The following TMEM38A variants were observed in gnomAD, a reference collection of about 807,000 sequenced individuals.
TMEM38A encodes the protein transmembrane protein 38A, also known as trimeric intracellular cation channel type A.
Under a neutral mutation model 28.6 loss-of-function variants are expected in TMEM38A, and 17 were observed. That is an observed-to-expected ratio of 0.60 (90% CI 0.41 to 0.89). The LOEUF (loss-of-function observed/expected upper bound fraction) is 0.89. Among genes scored for constraint, TMEM38A ranks in the 40% least tolerant of loss-of-function variants. TMEM38A has a pLI of 0.00. For missense variants in TMEM38A, 328 were observed against 393.1 expected (o/e 0.83, Z 1.40); for synonymous variants, 169 against 166.1 (o/e 1.02, Z -0.14).
intron 1 of TMEM38A, among the ~76,000 whole-genome samples, chr19:16,663,619 C>T (rs536305624): frequency 1.3e-5 from 2 of 151,814 alleles, no homozygotes; most frequent in African/African-American, 2.4e-5. Context: ...AGCTCCGCCT[C>T]CTGGGTTCAC....
At chr19:16,679,252 CGTGTGTGTGTGTGTGTGTGTGTGTGT>C (rs35543309) in intron 1 of TMEM38A, among the ~76,000 whole-genome samples, 4 of 128,290 alleles carry the variant, frequency 3.1e-5, no homozygotes, top group Non-Finnish European at 5.0e-5. Context: ...TCTTTTGTTT[CGTGTGTGTGTGTGTGTGTGTGTGTGT>C]GTGTGTGTGT....
intron 1 of TMEM38A, among the ~76,000 whole-genome samples, chr19:16,673,367 C>A (rs1299172347): frequency 2.0e-5 from 3 of 152,194 alleles, no homozygotes. Context: ...CCACTGCACC[C>A]AGCCTGGTTC....
intron 2 of TMEM38A, 108 bp from the exon 3 acceptor site, chr19:16,680,289 G>A (rs1459140395): frequency 6.7e-7 from 1 of 1,496,112 alleles, no homozygotes; most frequent in South Asian, 1.2e-5. Context: ...CCCATCTCTG[G>A]TCTAGGCACA....
intron 4 of TMEM38A, 90 bp from the exon 5 acceptor site, chr19:16,686,198 C>A: frequency 1.2e-6 from 1 of 845,828 alleles, no homozygotes; most frequent in Non-Finnish European, 1.9e-6. Context: ...GGGATGGGAG[C>A]TGGTGCCAGG....
At chr19:16,682,640 T>C in intron 4 of TMEM38A, 132 bp downstream of exon 4, 1 of 767,480 alleles carries the variant, frequency 1.3e-6, no homozygotes, top group Non-Finnish European at 2.2e-6. Flanking sequence ...TCAGAGGCTA[T>C]GACTGGGGAA....
intron 5 of TMEM38A, among the ~76,000 whole-genome samples, chr19:16,687,826 C>T (rs2086807918): frequency 6.6e-6 from 1 of 152,154 alleles, no homozygotes; most frequent in African/African-American, 2.4e-5. Context: ...GGACACAGAC[C>T]TTCAGACCTG....
Position 16,670,458 on chromosome 19 carries a change from A to G in TMEM38A, c.124+9117A>G, listed in dbSNP as rs561832953. ...CCCAGCCGAGGCAGAGCTGATTTTTAAAAAATCCATCTACTGAAATTTCCA... is the reference window on the plus strand; with the variant it reads ...CCCAGCCGAGGCAGAGCTGATTTTTGAAAAATCCATCTACTGAAATTTCCA... On this transcript the variant is annotated intron_variant, in intron 1 of 5. Coordinates refer to ENST00000187762, the MANE Select transcript of TMEM38A (RefSeq NM_024074.4). Among the ~76,000 whole-genome samples the G allele has an allele frequency of 9.9e-5, 15 of 151,876 alleles. No individual in the cohort carries two copies. The South Asian group carries it at 3.1e-3, about 32-fold the overall frequency.
intron 1 of TMEM38A, among the ~76,000 whole-genome samples, chr19:16,662,545 C>A (rs992926675): frequency 1.6e-4 from 23 of 148,340 alleles, no homozygotes; most frequent in African/African-American, 5.8e-4. Context: ...CCTCCACCTT[C>A]CAGGTTCAAG....
At chr19:16,668,043 T>C (rs573396672) in intron 1 of TMEM38A, among the ~76,000 whole-genome samples, 2 of 151,894 alleles carry the variant, frequency 1.3e-5, no homozygotes, top group African/African-American at 4.8e-5. Flanking sequence ...ACCCTGTCTC[T>C]ACTAAAAATA....
chr19:16,661,921 C>T lies in TMEM38A; in HGVS notation c.124+580C>T, dbSNP rs968464429. On this transcript the variant is annotated intron_variant, in intron 1 of 5. Transcript: ENST00000187762. The surrounding 1 kb of genome is among the most constrained non-coding windows in gnomAD (Gnocchi z 6.5). ...CCCACGGGAATTCTTCCAGCCCTGGCTCCAGATCCTTTCCACTTACGGAGC... is the reference window on the plus strand; with the variant it reads ...CCCACGGGAATTCTTCCAGCCCTGGTTCCAGATCCTTTCCACTTACGGAGC... Among the ~76,000 whole-genome samples, 1 of 152,112 alleles carries T rather than the reference C, an allele frequency of 6.6e-6. No individual in the cohort carries two copies. The highest frequency in any genetic ancestry group is 2.4e-5 in the African/African-American group (1 of 41,426).
chr19:16,671,058 G>A (rs1961596604), intron 1 of TMEM38A, among the ~76,000 whole-genome samples: 1 of 152,162 alleles, frequency 6.6e-6, no homozygotes, highest in Admixed American at 6.6e-5. Context: ...GAGGCCCAGG[G>A]AAGGGAGGGA....
chr19:16,687,286 C>T (rs755440981), intron 5 of TMEM38A, among the ~76,000 whole-genome samples: 7 of 152,020 alleles, frequency 4.6e-5, no homozygotes, highest in East Asian at 3.9e-4. Context: ...GAGCTAAGAT[C>T]GCACCACCGC....
rs776438597 is a variant in TMEM38A, at chr19:16,682,435, C to T, written c.481C>T (p.Leu161Phe). The T allele has an allele frequency of 8.1e-6, 13 of 1,613,890 alleles. No individual in the cohort carries two copies. Among genetic ancestry groups the T allele is most frequent in the Non-Finnish European group, 6.8e-6 (8 of 1,180,006 alleles). ...TGWVKGSGVA[L>F]MSNFEQLLRG... ...CTGTCCTGTAGGTTCTGGTGTCGCC[C>T]TCATGTCCAACTTTGAGCAGCTGCT... Residue 161 changes from leucine to phenylalanine, a missense_variant, in exon 4 of 6, where the codon CTC (leucine) becomes TTC (phenylalanine). Physicochemically the swap from Leu to Phe is conservative, Grantham distance 22 (BLOSUM62 0). Transcript: ENST00000187762.
At chr19:16,667,467 A>G (rs1488903733) in intron 1 of TMEM38A, among the ~76,000 whole-genome samples, 2 of 152,164 alleles carry the variant, frequency 1.3e-5, no homozygotes, top group African/African-American at 2.4e-5. Flanking sequence ...ATCAATGACA[A>G]TCCTGGTTGC....
chr19:16,688,412 G>T lies in TMEM38A; in HGVS notation c.*41G>T. The T allele has an allele frequency of 6.8e-7, 1 of 1,460,032 alleles. No individual in the cohort carries two copies. The highest frequency in any genetic ancestry group is 2.4e-5 in the Admixed American group (1 of 41,500). The allele number at this position is 1,460,032 out of a possible 1,614,324, so 90.4% of individuals were successfully genotyped here. A position where few individuals can be genotyped will look rare whatever the true frequency, so the allele number is the denominator to read the frequency against. On this transcript the variant is annotated 3_prime_UTR_variant, in exon 6 of 6. Transcript: ENST00000187762. ...GCACCGGGGAGAGGACCCGGACCCA[G>T]GACCCTCTGAGCTGGGAGGCTTCCT... is the stretch of plus-strand genomic sequence containing the variant.
chr19:16,661,141 A>C lies in TMEM38A; in HGVS notation c.-77A>C. On this transcript the variant is annotated 5_prime_UTR_variant, in exon 1 of 6. Transcript: ENST00000187762. This position sits in a 1 kb window ranked among gnomAD's most constrained non-coding sequence, Gnocchi z 6.5. ...GGGGCGGGCCCAGCTGCGGGGGCGC[A>C]GTCGCCGGGCCGCGGGCGGCGGGAC... The C allele has an allele frequency of 9.7e-7, 1 of 1,025,988 alleles. No individual in the cohort carries two copies. Among genetic ancestry groups the C allele is most frequent in the African/African-American group, 1.7e-5 (1 of 57,588 alleles). 63.6% of individuals were successfully genotyped at this position (1,025,988 alleles called of 1,614,324 possible).
intron 1 of TMEM38A, among the ~76,000 whole-genome samples, chr19:16,665,209 G>C (rs1029314301): frequency 6.6e-6 from 1 of 151,668 alleles, no homozygotes; most frequent in East Asian, 2.0e-4. Context: ...CAGGAGAATC[G>C]CTTGAACCTG....
At chr19:16,665,290 G>A (rs557227306) in intron 1 of TMEM38A, among the ~76,000 whole-genome samples, 43 of 151,722 alleles carry the variant, frequency 2.8e-4, no homozygotes, top group African/African-American at 8.9e-4. Context: ...ATGAAACTCC[G>A]TCTCAATAAA....
At chr19:16,676,017 A>C (rs1047557450) in intron 1 of TMEM38A, among the ~76,000 whole-genome samples, 1 of 152,210 alleles carries the variant, frequency 6.6e-6, no homozygotes, top group African/African-American at 2.4e-5. Flanking sequence ...TGCTAAAAAT[A>C]GACAAAACTG....
Sources: gnomAD v4.1 joint callset for allele counts (sites outside exome capture counted in the v4.1 genomes callset) on GRCh38, gnomAD v4.1.1 for gene constraint, Gnocchi (gnomAD v3.1) non-coding constraint, MANE v1.5 for transcripts, NCBI Gene and HGNC (gene_info 2026-07-23, HGNC 2026-07-21) for gene names.